Variants in GRM8 observed in about 807,000 individuals in gnomAD.
The protein encoded by GRM8 is metabotropic glutamate receptor 8.
A neutral mutation model predicts 87.2 loss-of-function variants in GRM8; 47 were observed. The ratio of observed to expected loss-of-function variants is 0.54; its 90% CI spans 0.43 to 0.69. The LOEUF is 0.69. Among genes scored for constraint, GRM8 ranks in the 30% least tolerant of loss-of-function variants. GRM8 has a pLI of 0.00. For synonymous variants in GRM8, 396 were observed against 404.5 expected (o/e 0.98, Z 0.25); for missense variants, 1,019 against 1,139.2 (o/e 0.89, Z 1.52).
intron 2 of GRM8, among the ~76,000 whole-genome samples, chr7:127,118,914 A>G (rs1826867987): frequency 6.6e-6 from 1 of 152,202 alleles, no homozygotes; most frequent in African/African-American, 2.4e-5. Context: ...ATTGCCATAT[A>G]TGGTATCACA....
At chr7:126,589,646 C>T (rs1484213561) in intron 8 of GRM8, among the ~76,000 whole-genome samples, 1 of 152,162 alleles carries the variant, frequency 6.6e-6, no homozygotes, top group African/African-American at 2.4e-5. Context: ...GAAAGTGCCA[C>T]CTCCTGGCAA....
intron 7 of GRM8, among the ~76,000 whole-genome samples, chr7:126,617,014 T>A (rs1799573599): frequency 6.6e-6 from 1 of 152,186 alleles, no homozygotes; most frequent in South Asian, 2.1e-4. Flanking sequence ...GAATCCTCCC[T>A]AACTCATTTT....
At chr7:126,648,432 T>A (rs10487456) in intron 7 of GRM8, among the ~76,000 whole-genome samples, 1 of 152,080 alleles carries the variant, frequency 6.6e-6, no homozygotes, top group East Asian at 1.9e-4. Flanking sequence ...GTACACAGAG[T>A]TGCTGTTCAA....
At chr7:126,873,263 C>G (rs1799256792) in intron 6 of GRM8, among the ~76,000 whole-genome samples, 1 of 152,050 alleles carries the variant, frequency 6.6e-6, no homozygotes, top group African/African-American at 2.4e-5. Flanking sequence ...CAATTTTTTT[C>G]TATTCCGAAC....
At chr7:127,008,124 T>C (rs1361271296) in intron 3 of GRM8, among the ~76,000 whole-genome samples, 1 of 152,020 alleles carries the variant, frequency 6.6e-6, no homozygotes, top group East Asian at 1.9e-4. Flanking sequence ...TCTCTACCAG[T>C]TGCTCCATTT....
chr7:126,631,361 C>T (rs1801237074), intron 7 of GRM8, among the ~76,000 whole-genome samples: 1 of 152,020 alleles, frequency 6.6e-6, no homozygotes, highest in South Asian at 2.1e-4. Flanking sequence ...AACTACAAAC[C>T]ACTGCCCAAA....
At chr7:127,214,065 T>C (rs1432950726) in intron 2 of GRM8, among the ~76,000 whole-genome samples, 5 of 152,222 alleles carry the variant, frequency 3.3e-5, no homozygotes, top group African/African-American at 9.6e-5. Flanking sequence ...TTTCATATGT[T>C]GAGAGACAAA....
At chr7:126,678,957 A>G (rs1327819666) in intron 7 of GRM8, among the ~76,000 whole-genome samples, 1 of 152,242 alleles carries the variant, frequency 6.6e-6, no homozygotes, top group African/African-American at 2.4e-5. Context: ...AGAAATTAAA[A>G]CATCCCACTT....
In GRM8 at chr7:127,216,070, C is replaced by T. The variant is rs1587296827; in HGVS notation, c.510+26625G>A. 4.6e-5 allele frequency among the ~76,000 whole-genome samples: 7 copies of T among 152,254 alleles called. No homozygotes were observed. In the South Asian group the frequency reaches 1.4e-3, roughly 32 times the overall value. ...CATTCATTCATACAATAAATATTCA[C>T]CAAGAATCTGCTCTTTGCAAGGTAC... On this transcript the variant is annotated intron_variant, in intron 2 of 10. Coordinates refer to ENST00000339582, the MANE Select transcript of GRM8 (RefSeq NM_000845.3).
intron 8 of GRM8, among the ~76,000 whole-genome samples, chr7:126,575,110 T>C (rs528716713): frequency 9.9e-5 from 15 of 152,214 alleles, no homozygotes; most frequent in East Asian, 1.9e-4. Flanking sequence ...TGGTACCGGT[T>C]TGTGGCCTGT....
rs28617519 is a variant in GRM8 at position 126,777,273 on chromosome 7, A to G, written c.1157-7208T>C. Among the ~76,000 whole-genome samples the G allele has an allele frequency of 8.6e-3, 1,307 of 152,290 alleles. 24 individuals are homozygous for G. Among genetic ancestry groups the G allele is most frequent in the African/African-American group, 0.03 (1,232 of 41,568 alleles). Reference sequence around the variant, plus strand: ...GAGGATACAAATAATTAAAATGGTAAGAGTACTTCACAAATAGTATCCCTT... The same window carrying G: ...GAGGATACAAATAATTAAAATGGTAGGAGTACTTCACAAATAGTATCCCTT... On this transcript the variant is annotated intron_variant, in intron 6 of 10. Coordinates refer to ENST00000339582, the MANE Select transcript of GRM8 (RefSeq NM_000845.3).
At chr7:126,575,135 C>T (rs10227038) in intron 8 of GRM8, among the ~76,000 whole-genome samples, 3,772 of 152,088 alleles carry the variant, frequency 0.025, 157 homozygotes, top group African/African-American at 0.08. Context: ...AACTGGGCTG[C>T]GTAGCAGGAG....
chr7:126,884,321 A>G (rs1800288499), intron 6 of GRM8, among the ~76,000 whole-genome samples: 1 of 152,180 alleles, frequency 6.6e-6, no homozygotes, highest in African/African-American at 2.4e-5. Flanking sequence ...ATGAGCAGCC[A>G]GATCAATTGC....
At chr7:126,996,515 T>C (rs922720973) in intron 3 of GRM8, among the ~76,000 whole-genome samples, 1 of 152,032 alleles carries the variant, frequency 6.6e-6, no homozygotes, top group Non-Finnish European at 1.5e-5. Context: ...GCTGAATGAA[T>C]TTTTAAAAAA....
rs1433543777 is a variant in GRM8, at chr7:126,595,872, T to G, written c.1494+13490A>C. Reference sequence around the variant, plus strand: ...TTATAGTCCGGCTGGTCGCAGTAGCTCATGCCTGTAATCCCAACATTTGGG... The same window carrying G: ...TTATAGTCCGGCTGGTCGCAGTAGCGCATGCCTGTAATCCCAACATTTGGG... On this transcript the variant is annotated intron_variant, in intron 8 of 10. Transcript: ENST00000339582. Among the ~76,000 whole-genome samples, 3 of 152,190 alleles carry G rather than the reference T, an allele frequency of 2.0e-5. No homozygotes were observed. In the East Asian group the frequency reaches 5.8e-4, roughly 29 times the overall value.
intron 7 of GRM8, among the ~76,000 whole-genome samples, chr7:126,691,599 G>A (rs757380577): frequency 2.0e-5 from 3 of 152,194 alleles, no homozygotes; most frequent in Non-Finnish European, 2.9e-5. Context: ...CAGACAGGCC[G>A]TTGCTGTTAT....
intron 3 of GRM8, among the ~76,000 whole-genome samples, chr7:127,075,174 G>T (rs919895573): frequency 1.1e-4 from 16 of 152,138 alleles, no homozygotes; most frequent in Admixed American, 8.5e-4. Flanking sequence ...CAGGGGTAAA[G>T]GTGGGAGATG....
intron 7 of GRM8, among the ~76,000 whole-genome samples, chr7:126,754,214 T>G (rs1816756633): frequency 6.6e-6 from 1 of 151,850 alleles, no homozygotes; most frequent in South Asian, 2.1e-4. Flanking sequence ...CTTGTATATG[T>G]CAATTAAACA....
Position 126,533,066 on chromosome 7 carries a change from A to G in GRM8, c.2316T>C (p.Gly772=). The part of the protein sequence containing the change: ...TCTVYAIKTR[G]VPETFNEAKP... Reference sequence around the variant, plus strand: ...TGGCTTCATTGAAAGTCTCTGGGACACCTCTCGTTTTAATGGCATAAACAG... The same window carrying G: ...TGGCTTCATTGAAAGTCTCTGGGACGCCTCTCGTTTTAATGGCATAAACAG... The change falls in exon 9 of 11, where the codon GGT becomes GGC. Residue 772 remains glycine (G), a synonymous_variant. Coordinates refer to ENST00000339582, the MANE Select transcript of GRM8 (RefSeq NM_000845.3). 6.2e-7 allele frequency: 1 copy of G among 1,613,444 alleles called. No homozygotes were observed. The highest frequency in any genetic ancestry group is 1.1e-5 in the South Asian group (1 of 91,050).
Sources: gnomAD v4.1 joint callset for allele counts (sites outside exome capture counted in the v4.1 genomes callset) on GRCh38, gnomAD v4.1.1 for gene constraint, MANE v1.5 for transcripts, NCBI Gene and HGNC (gene_info 2026-07-23, HGNC 2026-07-21) for gene names.